The following EVL variants were observed in gnomAD, a reference collection of about 807,000 sequenced individuals.
EVL encodes the protein ena/VASP-like protein.
A neutral mutation model predicts 59.6 loss-of-function variants in EVL; 21 were observed. That is an observed-to-expected ratio of 0.35 (90% CI 0.25 to 0.51). The LOEUF (loss-of-function observed/expected upper bound fraction) is 0.51, where lower values mean the gene tolerates loss of function less well. Ranked by LOEUF, EVL falls within the 20% of genes least tolerant of loss-of-function variation. The probability of loss-of-function intolerance (pLI) is 0.97; values close to 1 mark genes in which losing one functional copy is unlikely to be tolerated. For synonymous variants in EVL, 198 were observed against 203.5 expected (o/e 0.97, Z 0.23); for missense variants, 462 against 546.6 (o/e 0.85, Z 1.54).
At chr14:100,030,109 T>TTTTG (rs2061287981) in intron 1 of EVL, among the ~76,000 whole-genome samples, 1 of 151,048 alleles carries the variant, frequency 6.6e-6, no homozygotes, top group African/African-American at 2.4e-5. Flanking sequence ...TTTTTTTTTT[T>TTTTG]GAGGTGGAGT....
intron 1 of EVL, among the ~76,000 whole-genome samples, chr14:100,072,766 A>G (rs935725886): frequency 6.6e-6 from 1 of 152,176 alleles, no homozygotes; most frequent in Non-Finnish European, 1.5e-5. Context: ...TGTCCCTTAC[A>G]TGTTCCTGTA....
intron 11 of EVL, 190 bp from the exon 12 acceptor site, chr14:100,140,990 T>C (rs569194843): frequency 2.9e-5 from 16 of 543,966 alleles, no homozygotes; most frequent in African/African-American, 2.9e-4. Context: ...ACGGTATCCA[T>C]GGAGACCTCT....
intron 4 of EVL, among the ~76,000 whole-genome samples, chr14:100,125,351 C>T (rs1888004533): frequency 6.6e-6 from 1 of 152,120 alleles, no homozygotes; most frequent in African/African-American, 2.4e-5. Flanking sequence ...AGGGGCAAGA[C>T]TTACTCAGTG....
intron 2 of EVL, among the ~76,000 whole-genome samples, chr14:100,095,768 C>T (rs1885766051): frequency 6.6e-6 from 1 of 152,188 alleles, no homozygotes; most frequent in Non-Finnish European, 1.5e-5. Context: ...GGCTCTGTTG[C>T]CCAGGCTGGA....
chr14:100,094,898 G>T (rs146019628), intron 2 of EVL, among the ~76,000 whole-genome samples: 2,565 of 152,080 alleles, frequency 0.017, 37 homozygotes, highest in Non-Finnish European at 0.029. Flanking sequence ...AAAATTAGCT[G>T]GGCGTGGTGG....
intron 1 of EVL, among the ~76,000 whole-genome samples, chr14:100,055,141 G>A (rs1223888419): frequency 1.3e-5 from 2 of 151,536 alleles, no homozygotes; most frequent in African/African-American, 2.4e-5. Context: ...GGAGGTTGCC[G>A]TGAGCTGAGA....
chr14:100,011,739 A>G (rs540520781), intron 1 of EVL, among the ~76,000 whole-genome samples: 1 of 152,342 alleles, frequency 6.6e-6, no homozygotes, highest in East Asian at 1.9e-4. Flanking sequence ...TCACGTGGAT[A>G]GTAAGTTGCT....
intron 1 of EVL, among the ~76,000 whole-genome samples, chr14:100,079,690 A>C (rs1567003359): frequency 6.6e-6 from 1 of 151,732 alleles, no homozygotes; most frequent in African/African-American, 2.4e-5. Flanking sequence ...ATGAATTTAC[A>C]CTCTGTCCTT....
chr14:100,076,891 C>T (rs1050827233), intron 1 of EVL, among the ~76,000 whole-genome samples: 1 of 152,206 alleles, frequency 6.6e-6, no homozygotes, highest in Non-Finnish European at 1.5e-5. Context: ...TGACTCCCTT[C>T]CTCATGCCAC....
chr14:99,996,375 T>G (rs2060914395), intron 1 of EVL, among the ~76,000 whole-genome samples: 1 of 152,172 alleles, frequency 6.6e-6, no homozygotes, highest in Non-Finnish European at 1.5e-5. Context: ...TCCATCATCT[T>G]CCTGTGCTCT....
At chr14:100,022,298 G>C (rs1295612481) in intron 1 of EVL, among the ~76,000 whole-genome samples, 3 of 145,362 alleles carry the variant, frequency 2.1e-5, no homozygotes, top group African/African-American at 7.7e-5. Context: ...TTTTTTTGGA[G>C]ACAGACTCAC....
chr14:100,049,450 A>G (rs1457158435), intron 1 of EVL, among the ~76,000 whole-genome samples: 1 of 152,118 alleles, frequency 6.6e-6, no homozygotes, highest in Non-Finnish European at 1.5e-5. Context: ...TACTCTCTGG[A>G]CAGCTGAAAT....
At chr14:100,026,690 T>C (rs1320023246) in intron 1 of EVL, among the ~76,000 whole-genome samples, 4 of 152,214 alleles carry the variant, frequency 2.6e-5, no homozygotes, top group Admixed American at 6.5e-5. Flanking sequence ...TTCTCTCACA[T>C]CTTCTTCTCT....
chr14:99,996,286 G>A (rs1210100), intron 1 of EVL, among the ~76,000 whole-genome samples: 9,857 of 151,998 alleles, frequency 0.065, 505 homozygotes, highest in East Asian at 0.28. Context: ...CCTCTTAACT[G>A]GTTTCTGGAT....
At chr14:100,079,675 A>G (rs1475599389) in intron 1 of EVL, among the ~76,000 whole-genome samples, 1 of 151,950 alleles carries the variant, frequency 6.6e-6, no homozygotes, top group African/African-American at 2.4e-5. Flanking sequence ...TTTTTCCCTT[A>G]CTTTATGAAT....
At chr14:100,046,708 G>C (rs368914318) in intron 1 of EVL, among the ~76,000 whole-genome samples, 205 of 150,850 alleles carry the variant, frequency 1.4e-3, no homozygotes, top group African/African-American at 4.7e-3. Flanking sequence ...GACAAATTAT[G>C]GAGGCCTGGG....
chr14:100,013,042 T>C (rs894971238), intron 1 of EVL, among the ~76,000 whole-genome samples: 1 of 152,244 alleles, frequency 6.6e-6, no homozygotes. Flanking sequence ...ATTTCTTGTC[T>C]GATGGAGGTT....
At chr14:100,083,727 G>C (rs924422321) in intron 1 of EVL, among the ~76,000 whole-genome samples, 4 of 152,092 alleles carry the variant, frequency 2.6e-5, no homozygotes, top group Admixed American at 6.6e-5. Flanking sequence ...TATTTATTTT[G>C]ATTTATGTTG....
At chr14:100,111,991 C>T (rs1887024960) in intron 3 of EVL, among the ~76,000 whole-genome samples, 1 of 152,228 alleles carries the variant, frequency 6.6e-6, no homozygotes, top group African/African-American at 2.4e-5. Flanking sequence ...ATTATAAACA[C>T]TTAACCTGCC....
Sources: gnomAD v4.1 joint callset for allele counts (sites outside exome capture counted in the v4.1 genomes callset) on GRCh38, gnomAD v4.1.1 for gene constraint, MANE v1.5 for transcripts, NCBI Gene and HGNC (gene_info 2026-07-23, HGNC 2026-07-21) for gene names.